INPP4B: variants seen among roughly 807,000 people sequenced by gnomAD.
INPP4B encodes inositol polyphosphate 4-phosphatase type II.
A neutral mutation model predicts 122.5 loss-of-function variants in INPP4B; 55 were observed. The ratio of observed to expected loss-of-function variants is 0.45; its 90% CI spans 0.36 to 0.56. INPP4B has a LOEUF of 0.56. Ranked by LOEUF, INPP4B falls within the 20% of genes least tolerant of loss-of-function variation. The probability of loss-of-function intolerance (pLI) is 0.00; values close to 1 mark genes in which losing one functional copy is unlikely to be tolerated. For missense variants in INPP4B, 1,000 were observed against 1,097.7 expected (o/e 0.91, Z 1.26); for synonymous variants, 403 against 388.7 (o/e 1.04, Z -0.43).
chr4:142,338,872 G>C (rs937366934), intron 7 of INPP4B, among the ~76,000 whole-genome samples: 1 of 152,038 alleles, frequency 6.6e-6, no homozygotes, highest in Non-Finnish European at 1.5e-5. Flanking sequence ...CGGGCTCTGT[G>C]AACTACCTCA....
chr4:142,045,145 T>C (rs1266968402), intron 25 of INPP4B, among the ~76,000 whole-genome samples: 1 of 152,138 alleles, frequency 6.6e-6, no homozygotes, highest in East Asian at 1.9e-4. Context: ...AGCCCAATGT[T>C]ATGAAAATCT....
In INPP4B at chr4:142,276,266, A is replaced by G. The variant is rs551748473; in HGVS notation, c.504-5492T>C. On this transcript the variant is annotated intron_variant, in intron 9 of 25. Transcript: ENST00000262992. ...GTTTTCATCTTAAAGCTCTACTTTC[A>G]CTATTTTATTTTTTTCCTATTAAAA... Among the ~76,000 whole-genome samples, 8 of 151,874 alleles carry G rather than the reference A, an allele frequency of 5.3e-5. No individual in the cohort carries two copies. In the East Asian group the frequency reaches 1.5e-3, roughly 29 times the overall value.
At chr4:142,418,893 A>G (rs1806299094) in intron 5 of INPP4B, among the ~76,000 whole-genome samples, 1 of 152,054 alleles carries the variant, frequency 6.6e-6, no homozygotes, top group Non-Finnish European at 1.5e-5. Context: ...ATAGAAACAG[A>G]CTCACGAGGA....
intron 7 of INPP4B, among the ~76,000 whole-genome samples, chr4:142,337,728 ATATATATTTATATATAT>A: frequency 2.0e-5 from 1 of 49,298 alleles, no homozygotes; most frequent in African/African-American, 6.9e-5. Flanking sequence ...TATATATTTT[ATATATATTTATATATAT>A]TATATATTTT....
At chr4:142,431,950 G>GT (rs1809421059) in intron 3 of INPP4B, among the ~76,000 whole-genome samples, 1 of 151,980 alleles carries the variant, frequency 6.6e-6, no homozygotes, top group Non-Finnish European at 1.5e-5. Flanking sequence ...TGATAAAGGT[G>GT]TAATTGTTTA....
At chr4:142,698,110 T>A (rs1181547004) in intron 2 of INPP4B, among the ~76,000 whole-genome samples, 1 of 152,092 alleles carries the variant, frequency 6.6e-6, no homozygotes, top group Admixed American at 6.6e-5. Flanking sequence ...CTGAAATAAA[T>A]CTTGGCTGTA....
rs757955824 is a variant in INPP4B at position 142,260,523 on chromosome 4, G to A, written c.657C>T (p.Ser219=). 46 of 1,605,598 alleles carry A rather than the reference G, an allele frequency of 2.9e-5. No homozygotes were observed. Among genetic ancestry groups the A allele is most frequent in the South Asian group, 7.7e-5 (7 of 90,416 alleles). The change falls in exon 11 of 26, where the codon AGC becomes AGT. Residue 219 remains serine, a synonymous_variant. Transcript: ENST00000262992. ...VCECTAPESV[S]GKDNLPFLNS... is the part of the protein sequence containing the mutation. ...TCAAAAAAGGTAAGTTATCTTTTCC[G>A]CTCACACTTTCCGGGGCTGTACATT...
intron 10 of INPP4B, among the ~76,000 whole-genome samples, chr4:142,261,081 G>A (rs965717896): frequency 2.0e-5 from 3 of 152,204 alleles, no homozygotes; most frequent in Non-Finnish European, 2.9e-5. Context: ...TTATAAATAA[G>A]CTGATCTCTG....
intron 7 of INPP4B, among the ~76,000 whole-genome samples, chr4:142,321,845 T>C (rs960324301): frequency 6.6e-5 from 10 of 152,190 alleles, no homozygotes; most frequent in Non-Finnish European, 1.2e-4. Flanking sequence ...CATAGCCTTA[T>C]AGTATAGTTT....
At chr4:142,307,888 T>A (rs564314947) in intron 8 of INPP4B, among the ~76,000 whole-genome samples, 2 of 152,214 alleles carry the variant, frequency 1.3e-5, no homozygotes, top group African/African-American at 4.8e-5. Flanking sequence ...GCTACACATG[T>A]CATGAGATTA....
chr4:142,800,356 A>G (rs1196840926), intron 1 of INPP4B, among the ~76,000 whole-genome samples: 1 of 152,154 alleles, frequency 6.6e-6, no homozygotes, highest in Non-Finnish European at 1.5e-5. Flanking sequence ...GCAGGTAAAG[A>G]TTCTGAGTCA....
At chr4:142,148,390 T>G (rs1374965483) in intron 17 of INPP4B, among the ~76,000 whole-genome samples, 1 of 152,014 alleles carries the variant, frequency 6.6e-6, no homozygotes, top group Non-Finnish European at 1.5e-5. Context: ...ATTTTTGTAG[T>G]TTTTGCAGAG....
chr4:142,103,843 C>CTTAG (rs1785685942), intron 23 of INPP4B, among the ~76,000 whole-genome samples: 2 of 151,778 alleles, frequency 1.3e-5, no homozygotes, highest in Non-Finnish European at 2.9e-5. Flanking sequence ...ACACACACTA[C>CTTAG]ATTCTACATA....
intron 21 of INPP4B, among the ~76,000 whole-genome samples, chr4:142,119,559 C>G (rs1561187865): frequency 8.6e-6 from 1 of 115,708 alleles, no homozygotes. Context: ...GAAAACCAAA[C>G]ACTGCATGTT....
chr4:142,486,756 G>GA (rs1247335198), intron 2 of INPP4B, among the ~76,000 whole-genome samples: 1 of 152,040 alleles, frequency 6.6e-6, no homozygotes, highest in Admixed American at 6.6e-5. Context: ...TTGCAATTTG[G>GA]AAAATAATTT....
rs1422608533 is a variant in INPP4B at position 142,545,789 on chromosome 4, A to ATG, written c.-190-83065_-190-83064dup. Among the ~76,000 whole-genome samples the ATG allele has an allele frequency of 1.6e-4, 17 of 105,640 alleles. No individual in the cohort carries two copies. The East Asian group carries it at 3.8e-3, about 24-fold the overall frequency. 69.3% of individuals were successfully genotyped at this position (105,640 alleles called of 152,430 possible). ...TGTGTGTATATATATACACATATAT[A>ATG]TGTGTGTATATATATACACATATAC... On this transcript the variant is annotated intron_variant, in intron 2 of 25. Transcript: ENST00000262992.
chr4:142,546,978 T>C (rs1466113043), intron 2 of INPP4B, among the ~76,000 whole-genome samples: 1 of 152,170 alleles, frequency 6.6e-6, no homozygotes, highest in Non-Finnish European at 1.5e-5. Flanking sequence ...TATGATAATA[T>C]AAATTATTTT....
intron 1 of INPP4B, among the ~76,000 whole-genome samples, chr4:142,828,721 C>T (rs1421428798): frequency 6.6e-6 from 1 of 152,038 alleles, no homozygotes; most frequent in Non-Finnish European, 1.5e-5. Context: ...TATTGAACCT[C>T]GAGACTTAGA....
intron 25 of INPP4B, among the ~76,000 whole-genome samples, chr4:142,051,796 C>T (rs758885186): frequency 1.3e-5 from 2 of 151,928 alleles, no homozygotes; most frequent in Admixed American, 6.6e-5. Context: ...ATAATTCTTA[C>T]GAAAGTGTAT....
Sources: gnomAD v4.1 joint callset for allele counts (sites outside exome capture counted in the v4.1 genomes callset) on GRCh38, gnomAD v4.1.1 for gene constraint, MANE v1.5 for transcripts, NCBI Gene and HGNC (gene_info 2026-07-23, HGNC 2026-07-21) for gene names.